ANKRD11: variants seen among roughly 807,000 people sequenced by gnomAD.
The protein encoded by ANKRD11 is ankyrin repeat domain 11, also known as ankyrin repeat domain-containing protein 11.
Under a neutral mutation model 195.7 loss-of-function variants are expected in ANKRD11, and 17 were observed. The observed-to-expected ratio is 0.09, with a 90% CI of 0.06 to 0.13. The LOEUF (loss-of-function observed/expected upper bound fraction) is 0.13. Among genes scored for constraint, ANKRD11 ranks in the 10% least tolerant of loss-of-function variants. The pLI is 1.00. For missense variants in ANKRD11, 3,735 were observed against 3,566.1 expected, an observed-to-expected ratio of 1.05 and a Z score of -1.21; for synonymous variants, 1,953 against 1,528.1, an observed-to-expected ratio of 1.28 and a Z score of -6.49.
chr16:89,381,611 C>T (rs1241643422), intron 2 of ANKRD11, among the ~76,000 whole-genome samples: 1 of 152,154 alleles, frequency 6.6e-6, no homozygotes, highest in East Asian at 1.9e-4. Context: ...AAGAGGAGAA[C>T]GATGAAAGCT....
Position 89,271,155 on chromosome 16 carries a change from G to A in ANKRD11, c.7714-246C>T, listed in dbSNP as rs2033116964. ...TTTGTCTCCTGGGCACCGGGTGCCC[G>A]CAGGCCCCACCTGTGAGCCGGTCCC... On this transcript the variant is annotated intron_variant, in intron 11 of 12. Transcript: ENST00000301030. The A allele has an allele frequency of 4.3e-5, 24 of 553,840 alleles. 1 individual carries two copies. The highest frequency in any genetic ancestry group is 4.9e-4 in the Middle Eastern group (1 of 2,032). The allele number at this position is 553,840 out of a possible 1,614,324, so 34.3% of individuals were successfully genotyped here. A position where few individuals can be genotyped will look rare whatever the true frequency, so the allele number is the denominator to read the frequency against.
chr16:89,372,327 G>A (rs2152083494), intron 2 of ANKRD11, among the ~76,000 whole-genome samples: 1 of 152,340 alleles, frequency 6.6e-6, no homozygotes, highest in Non-Finnish European at 1.5e-5. Context: ...AGCGACGGAT[G>A]CGGCCACCAC....
intron 1 of ANKRD11, among the ~76,000 whole-genome samples, chr16:89,458,336 T>C (rs2056525405): frequency 1.3e-5 from 2 of 152,114 alleles, no homozygotes; most frequent in South Asian, 4.1e-4. Context: ...GCCATTCTCC[T>C]GCCTCAGCCT....
intron 2 of ANKRD11, among the ~76,000 whole-genome samples, chr16:89,360,005 G>A (rs1335166251): frequency 6.6e-6 from 1 of 152,016 alleles, no homozygotes; most frequent in Non-Finnish European, 1.5e-5. Context: ...CTATCACCCA[G>A]TACTAAGCCC....
intron 1 of ANKRD11, among the ~76,000 whole-genome samples, chr16:89,444,972 C>G (rs563860570): frequency 3.3e-5 from 5 of 152,290 alleles, no homozygotes; most frequent in East Asian, 3.9e-4. Flanking sequence ...CCCACCCAGA[C>G]AGTGGCACAC....
chr16:89,415,432 T>C (rs2042259206), intron 2 of ANKRD11, among the ~76,000 whole-genome samples: 1 of 150,756 alleles, frequency 6.6e-6, no homozygotes, highest in Non-Finnish European at 1.5e-5. Flanking sequence ...GCCCGGCTAA[T>C]TTTTTGTATT....
intron 1 of ANKRD11, among the ~76,000 whole-genome samples, chr16:89,429,523 G>C (rs76425650): frequency 7.7e-3 from 254 of 33,098 alleles, no homozygotes; most frequent in African/African-American, 0.024. Flanking sequence ...TCAACTCTCA[G>C]GCTCAGACGT....
At chr16:89,300,142 G>T in intron 4 of ANKRD11, 1 of 213,938 alleles carries the variant, frequency 4.7e-6, no homozygotes, top group Non-Finnish European at 9.2e-6. Flanking sequence ...CCCTGTGTGG[G>T]GTGCCTGCCC....
intron 1 of ANKRD11, among the ~76,000 whole-genome samples, chr16:89,479,391 A>C (rs4785567): frequency 6.3e-4 from 95 of 151,154 alleles, no homozygotes; most frequent in African/African-American, 2.2e-3. Flanking sequence ...CCAGCACTTA[A>C]GGAGGCCGAG....
Position 89,284,463 on chromosome 16 carries a change from G to A in ANKRD11, c.2079C>T (p.His693=), listed in dbSNP as rs2034503828. The A allele has an allele frequency of 6.2e-7, 1 of 1,613,864 alleles. No homozygotes were observed. The highest frequency in any genetic ancestry group is 8.5e-7 in the Non-Finnish European group (1 of 1,180,012). Residue 693 remains histidine, a synonymous_variant, in exon 9 of 13, where the codon CAC becomes CAT. Transcript: ENST00000301030. ...TGCTAAGTTTCTCTTCTTTTTTAAAGTGGTCGCGATCGTGCTTTAACACTT... is the reference window on the plus strand; with the variant it reads ...TGCTAAGTTTCTCTTCTTTTTTAAAATGGTCGCGATCGTGCTTTAACACTT... ...KLKVLKHDRD[H]FKKEEKLSKM...
intron 2 of ANKRD11, among the ~76,000 whole-genome samples, chr16:89,318,149 G>A (rs968435706): frequency 2.6e-5 from 4 of 152,178 alleles, no homozygotes; most frequent in Non-Finnish European, 2.9e-5. Context: ...CACACGGTGC[G>A]AGCGCACTTC....
At position 89,284,238 on chromosome 16, in the gene ANKRD11, TTTC is replaced by T. The variant is rs1209118506; in HGVS notation, c.2301_2303del (p.Lys768del). 7.4e-6 allele frequency: 12 copies of T among 1,613,236 alleles called. No individual in the cohort carries two copies. The highest frequency in any genetic ancestry group is 5.3e-5 in the African/African-American group (4 of 74,898). On this transcript the variant is annotated inframe_deletion, in exon 9 of 13. Coordinates refer to ENST00000301030, the MANE Select transcript of ANKRD11 (RefSeq NM_013275.6). ...CTAATTTTGAGGGCCGGTCTTTTGA[TTTC>T]TTCTTTCTCTCCTCTTTGTACAGTC...
chr16:89,284,640 T>C lies in ANKRD11; in HGVS notation c.1902A>G (p.Thr634=), dbSNP rs1045471998. The C allele has an allele frequency of 2.5e-6, 4 of 1,614,052 alleles. No individual in the cohort carries two copies. The African/African-American group carries it at 4.0e-5, about 16-fold the overall frequency. Residue 634 remains threonine (T), a synonymous_variant, in exon 9 of 13, where the codon ACA becomes ACG. Transcript: ENST00000301030. ...KEGKVVKKHK[T]KHKHKNKEKG... is the part of the protein sequence containing the mutation. ...TCTCCTTGTTTTTGTGTTTGTGTTT[T>C]GTTTTATGTTTTTTGACAACTTTCC...
intron 1 of ANKRD11, among the ~76,000 whole-genome samples, chr16:89,444,470 G>C (rs1284105622): frequency 2.6e-5 from 4 of 151,780 alleles, no homozygotes; most frequent in African/African-American, 7.3e-5. Flanking sequence ...GGGGGGTGGA[G>C]TGGAGGGAGG....
intron 7 of ANKRD11, chr16:89,287,504 C>A (rs1327045040): frequency 9.6e-6 from 2 of 209,070 alleles, no homozygotes; most frequent in Admixed American, 1.1e-4. Context: ...TCGGATGCCC[C>A]AGCCCCATCA....
intron 1 of ANKRD11, among the ~76,000 whole-genome samples, chr16:89,481,920 TAA>T (rs562064483): frequency 2.8e-5 from 4 of 143,218 alleles, no homozygotes; most frequent in African/African-American, 2.6e-5. Context: ...AGCTTACAGT[TAA>T]AAAAAAAAAA....
In ANKRD11 at chr16:89,282,729, C is replaced by G. The variant is rs368590420; in HGVS notation, c.3813G>C (p.Ser1271=). 2 of 1,613,774 alleles carry G rather than the reference C, an allele frequency of 1.2e-6. No homozygotes were observed. The highest frequency in any genetic ancestry group is 1.3e-5 in the African/African-American group (1 of 74,954). ...GGCTTTTTTCCGCGTCGGCACTTCTCGAGGACTTCCTCTCCTTGGAATGTT... is the reference window on the plus strand; with the variant it reads ...GGCTTTTTTCCGCGTCGGCACTTCTGGAGGACTTCCTCTCCTTGGAATGTT... ...DKEHSKERKS[S]RSADAEKSLL... Residue 1271 remains serine (S), a synonymous_variant, in exon 9 of 13, where the codon TCG becomes TCC. Transcript: ENST00000301030.
chr16:89,320,129 T>G (rs1468955969), intron 2 of ANKRD11: 1 of 152,366 alleles, frequency 6.6e-6, no homozygotes, highest in East Asian at 1.9e-4. Flanking sequence ...GCTGTGATGA[T>G]GTCCCCAGGC....
At chr16:89,295,678 G>A (rs1264470315) in intron 4 of ANKRD11, among the ~76,000 whole-genome samples, 1 of 151,854 alleles carries the variant, frequency 6.6e-6, no homozygotes, top group Non-Finnish European at 1.5e-5. Context: ...GCAGAGACTG[G>A]AGGCGAGCGT....
Sources: allele counts gnomAD v4.1 joint callset (sites outside exome capture counted in the v4.1 genomes callset), GRCh38; gene constraint gnomAD v4.1.1; transcripts MANE v1.5; gene names NCBI Gene and HGNC (gene_info 2026-07-23, HGNC 2026-07-21).